The following DPH5 variants were observed in gnomAD, a reference collection of about 807,000 sequenced individuals.
DPH5 encodes diphthine methyl ester synthase.
A neutral mutation model predicts 31.6 loss-of-function variants in DPH5; 31 were observed. The observed-to-expected ratio is 0.98, with a 90% confidence interval of 0.74 to 1.32. The LOEUF is 1.32. Among genes scored for constraint, DPH5 ranks in the 40% most tolerant of loss-of-function variants. The probability of loss-of-function intolerance (pLI) is 0.00; values close to 1 mark genes in which losing one functional copy is unlikely to be tolerated. For synonymous variants in DPH5, 120 were observed against 115.0 expected (o/e 1.04, Z -0.28); for missense variants, 309 against 335.7 (o/e 0.92, Z 0.62).
In DPH5 at chr1:101,013,825, T is replaced by C; in HGVS notation, c.261-7A>G. 6.3e-7 allele frequency: 1 copy of C among 1,597,190 alleles called. No homozygotes were observed. ...ATCACTGTGTGTTGTGGCCCTGTAG[T>C]GAGAAAAGATTAGATTGGATTAAAG... is the stretch of plus-strand genomic sequence containing the variant. On this transcript the variant is annotated splice_region_variant and splice_polypyrimidine_tract_variant and intron_variant, in intron 3 of 7. Coordinates refer to ENST00000370109, the MANE Select transcript of DPH5 (RefSeq NM_015958.3).
At chr1:101,002,981 GT>G (rs986626462) in intron 4 of DPH5, among the ~76,000 whole-genome samples, 2 of 152,120 alleles carry the variant, frequency 1.3e-5, no homozygotes, top group Admixed American at 6.6e-5. Flanking sequence ...GTGACTTTGA[GT>G]TCTAAAGGGA....
chr1:101,021,807 T>G (rs977237105), intron 2 of DPH5, 42 bp from the exon 3 acceptor site: 1 of 1,505,474 alleles, frequency 6.6e-7, no homozygotes, highest in African/African-American at 1.4e-5. Context: ...AGACAGCAGG[T>G]GACCATTCTA....
At chr1:101,009,091 G>A (rs1169493264) in intron 4 of DPH5, among the ~76,000 whole-genome samples, 1 of 152,090 alleles carries the variant, frequency 6.6e-6, no homozygotes, top group African/African-American at 2.4e-5. Context: ...TAACATACAT[G>A]TATTTAATAC....
chr1:101,021,828 A>G (rs992922933), intron 2 of DPH5, 63 bp from the exon 3 acceptor site: 2 of 1,258,994 alleles, frequency 1.6e-6, no homozygotes, highest in Non-Finnish European at 2.2e-6. Context: ...ACACACACAC[A>G]CACACACACA....
chr1:101,013,708 A>G lies in DPH5; in HGVS notation c.369+2T>C. ...ACTGAAAAACCTCCTTTGTTGCATTACCTGTAAACCACAGCAGCCTACAGC... is the reference window on the plus strand; with the variant it reads ...ACTGAAAAACCTCCTTTGTTGCATTGCCTGTAAACCACAGCAGCCTACAGC... On this transcript the variant is annotated splice_donor_variant, in intron 4 of 7. Transcript: ENST00000370109. LOFTEE classifies it high-confidence loss of function. 6.4e-7 allele frequency: 1 copy of G among 1,564,546 alleles called. No individual in the cohort carries two copies. Among genetic ancestry groups the G allele is most frequent in the Non-Finnish European group, 8.7e-7 (1 of 1,153,196 alleles).
chr1:101,020,662 ATTC>A, intron 3 of DPH5, among the ~76,000 whole-genome samples: 1 of 151,924 alleles, frequency 6.6e-6, no homozygotes, highest in East Asian at 1.9e-4. Flanking sequence ...TCCAGAACCA[ATTC>A]TTGTTTCTCC....
intron 4 of DPH5, among the ~76,000 whole-genome samples, chr1:101,002,133 T>C (rs1244821033): frequency 6.6e-6 from 1 of 152,188 alleles, no homozygotes; most frequent in African/African-American, 2.4e-5. Context: ...TCCAAACCTA[T>C]AGTCCCTTAA....
chr1:100,997,442 T>G (rs1414553679), intron 5 of DPH5, among the ~76,000 whole-genome samples: 1 of 152,126 alleles, frequency 6.6e-6, no homozygotes, highest in Non-Finnish European at 1.5e-5. Context: ...CTCAGCTCAA[T>G]GCAAGCTCCG....
rs936923220 is a variant in DPH5, at chr1:100,994,097, C to G, written c.530+1013G>C. Among the ~76,000 whole-genome samples the G allele has an allele frequency of 2.0e-5, 3 of 152,122 alleles. No individual in the cohort carries two copies. In the East Asian group the frequency reaches 5.8e-4, roughly 29 times the overall value. On this transcript the variant is annotated intron_variant, in intron 6 of 7. Transcript: ENST00000370109. ...AATCCAAAATGTTGTAATTTAACAC[C>G]TACTCATATAAAAATTATTAAAGAG...
chr1:101,024,422 A>G lies in DPH5; in HGVS notation c.135+887T>C, dbSNP rs150575779. On this transcript the variant is annotated intron_variant, in intron 2 of 7. Transcript: ENST00000370109. ...AGACTTATTTTCTCTCTCTCTCCAC[A>G]TATATGTATATATCAAAGTTGGTCT... Among the ~76,000 whole-genome samples, 313 of 152,280 alleles carry G rather than the reference A, an allele frequency of 2.1e-3. 1 individual carries two copies. The highest frequency in any genetic ancestry group is 7.3e-3 in the African/African-American group (303 of 41,576).
At position 100,990,568 on chromosome 1, in the gene DPH5, G is replaced by C. The variant is rs778951101; in HGVS notation, c.698C>G (p.Ala233Gly). The C allele has an allele frequency of 5.6e-6, 9 of 1,614,076 alleles. No homozygotes were observed. The highest frequency in any genetic ancestry group is 7.6e-6 in the Non-Finnish European group (9 of 1,180,012). ...ARVGADDQKI[A>G]AGTLRQMCTV... is the part of the protein sequence containing the mutation. ...GCACATTTGCCTTAAAGTGCCTGCTGCAATTTTCTGGTCGTCGGCTCCAAC... is the reference window on the plus strand; with the variant it reads ...GCACATTTGCCTTAAAGTGCCTGCTCCAATTTTCTGGTCGTCGGCTCCAAC... The change falls in exon 8 of 8, where the codon GCA becomes GGA. Residue 233 changes from alanine to glycine, a missense_variant. By Grantham distance (60) the Ala-to-Gly change is moderately conservative (BLOSUM62 0). Transcript: ENST00000370109.
chr1:101,007,028 T>G (rs1203658843), intron 4 of DPH5, among the ~76,000 whole-genome samples: 1 of 152,204 alleles, frequency 6.6e-6, no homozygotes, highest in Non-Finnish European at 1.5e-5. Context: ...AGTCACCAAA[T>G]TTCTACAAGA....
intron 4 of DPH5, among the ~76,000 whole-genome samples, chr1:101,009,212 T>A (rs1322274108): frequency 6.6e-6 from 1 of 152,126 alleles, no homozygotes; most frequent in South Asian, 2.1e-4. Flanking sequence ...TTCCACATAA[T>A]CAATTCTATG....
chr1:101,000,037 C>A (rs528927203), intron 5 of DPH5, among the ~76,000 whole-genome samples: 176 of 151,812 alleles, frequency 1.2e-3, no homozygotes, highest in Non-Finnish European at 1.8e-3. Flanking sequence ...GTCCTAACTA[C>A]CCAGGGAGCC....
intron 3 of DPH5, among the ~76,000 whole-genome samples, chr1:101,020,868 C>A (rs915788988): frequency 1.3e-5 from 2 of 152,122 alleles, no homozygotes; most frequent in African/African-American, 4.8e-5. Flanking sequence ...AATCCATTTA[C>A]CTAAGCACTT....
chr1:100,994,052 A>C (rs1372904472), intron 6 of DPH5, among the ~76,000 whole-genome samples: 1 of 152,096 alleles, frequency 6.6e-6, no homozygotes, highest in Non-Finnish European at 1.5e-5. Context: ...AAAAAAGGCA[A>C]AAATTTTAAT....
intron 3 of DPH5, 145 bp from the exon 4 acceptor site, chr1:101,013,963 C>T: frequency 3.5e-6 from 2 of 576,046 alleles, no homozygotes; most frequent in Non-Finnish European, 5.9e-6. Context: ...AGGCTTTCAT[C>T]TGAGCTTTTT....
intron 7 of DPH5, among the ~76,000 whole-genome samples, chr1:100,991,092 C>T (rs1009257872): frequency 6.6e-6 from 1 of 151,864 alleles, no homozygotes; most frequent in African/African-American, 2.4e-5. Context: ...GTGTGATAAA[C>T]TTCAGTTTTC....
chr1:101,012,522 T>G (rs994070956), intron 4 of DPH5, among the ~76,000 whole-genome samples: 1 of 152,222 alleles, frequency 6.6e-6, no homozygotes, highest in Non-Finnish European at 1.5e-5. Context: ...GGCATCATTT[T>G]CTCCATCCCT....
Sources: allele counts gnomAD v4.1 joint callset (sites outside exome capture counted in the v4.1 genomes callset), GRCh38; gene constraint gnomAD v4.1.1; transcripts MANE v1.5; gene names NCBI Gene and HGNC (gene_info 2026-07-23, HGNC 2026-07-21).